ENOX1: variants seen among roughly 807,000 people sequenced by gnomAD.
ENOX1 encodes the protein candidate growth-related and time keeping constitutive hydroquinone (NADH) oxidase.
ENOX1 carries 42 observed loss-of-function variants against 82.5 expected under a neutral mutation model. That is an observed-to-expected ratio of 0.51 (90% CI 0.40 to 0.66). ENOX1 has a LOEUF of 0.66. Among genes scored for constraint, ENOX1 ranks in the 30% least tolerant of loss-of-function variants. The pLI, the probability that ENOX1 is intolerant of heterozygous loss-of-function variation, is 0.00. For synonymous variants in ENOX1, 271 were observed against 282.2 expected, an observed-to-expected ratio of 0.96 and a Z score of 0.40; for missense variants, 608 against 811.6, an observed-to-expected ratio of 0.75 and a Z score of 3.05.
At chr13:43,682,976 T>G (rs1468162303) in intron 1 of ENOX1, among the ~76,000 whole-genome samples, 1 of 152,192 alleles carries the variant, frequency 6.6e-6, no homozygotes, top group Non-Finnish European at 1.5e-5. Flanking sequence ...ACTTTGGGTT[T>G]TTAATATAAC....
At chr13:43,390,144 A>G (rs1246088510) in intron 5 of ENOX1, among the ~76,000 whole-genome samples, 1 of 152,218 alleles carries the variant, frequency 6.6e-6, no homozygotes, top group East Asian at 1.9e-4. Context: ...AATCATTCTC[A>G]TCATTTCTAA....
intron 16 of ENOX1, among the ~76,000 whole-genome samples, chr13:43,219,831 G>A (rs1172523538): frequency 1.3e-5 from 2 of 152,252 alleles, no homozygotes; most frequent in Non-Finnish European, 2.9e-5. Flanking sequence ...TCAGGCAAGG[G>A]AAGCCTGGTG....
chr13:43,591,743 G>C (rs1396697309), intron 2 of ENOX1, among the ~76,000 whole-genome samples: 2 of 152,110 alleles, frequency 1.3e-5, no homozygotes, highest in Non-Finnish European at 2.9e-5. Context: ...TGGAGCTTTG[G>C]CCAGATTTGT....
chr13:43,740,464 C>A (rs2089851273), intron 1 of ENOX1, among the ~76,000 whole-genome samples: 1 of 149,872 alleles, frequency 6.7e-6, no homozygotes, highest in African/African-American at 2.5e-5. Context: ...TCACAGACAA[C>A]TTTAAAACAT....
Position 43,223,412 on chromosome 13 carries a change from C to T in ENOX1, c.1800+641G>A, listed in dbSNP as rs528338668. Among the ~76,000 whole-genome samples the T allele has an allele frequency of 4.6e-5, 7 of 152,220 alleles. No individual in the cohort carries two copies. In the Middle Eastern group the frequency reaches 0.014, roughly 296 times the overall value. ...ATGAATTTGACACATAAATCACATT[C>T]TTTTTGTCTCTTCTCTATGGGTACA... On this transcript the variant is annotated intron_variant, in intron 16 of 16. Transcript: ENST00000690772.
chr13:43,349,260 A>T (rs1233848607), intron 8 of ENOX1, among the ~76,000 whole-genome samples: 1 of 152,356 alleles, frequency 6.6e-6, no homozygotes, highest in East Asian at 1.9e-4. Flanking sequence ...ATCACTGGCA[A>T]TGAAAGTTAA....
chr13:43,232,432 G>T (rs2153456841), intron 15 of ENOX1, among the ~76,000 whole-genome samples: 1 of 152,286 alleles, frequency 6.6e-6, no homozygotes, highest in South Asian at 2.1e-4. Context: ...ATACTCCCAA[G>T]ATTACTTTTC....
intron 1 of ENOX1, among the ~76,000 whole-genome samples, chr13:43,746,258 TA>T (rs1437127504): frequency 6.6e-6 from 1 of 152,134 alleles, no homozygotes; most frequent in Non-Finnish European, 1.5e-5. Flanking sequence ...TTATATTTTT[TA>T]TATTAATGTA....
intron 2 of ENOX1, among the ~76,000 whole-genome samples, chr13:43,639,322 G>A (rs547706140): frequency 6.6e-6 from 1 of 152,158 alleles, no homozygotes; most frequent in East Asian, 1.9e-4. Flanking sequence ...AATAAAAACT[G>A]TGACATATAC....
At chr13:43,563,235 A>T (rs1026253105) in intron 2 of ENOX1, among the ~76,000 whole-genome samples, 8 of 152,184 alleles carry the variant, frequency 5.3e-5, no homozygotes, top group Non-Finnish European at 1.5e-5. Flanking sequence ...CAACAAGAGG[A>T]ATTTTGGAAA....
At chr13:43,256,324 G>A (rs2043743691) in intron 14 of ENOX1, among the ~76,000 whole-genome samples, 1 of 152,062 alleles carries the variant, frequency 6.6e-6, no homozygotes, top group Admixed American at 6.6e-5. Flanking sequence ...AAGCTAAAAA[G>A]TATTTGCACA....
intron 5 of ENOX1, among the ~76,000 whole-genome samples, chr13:43,396,078 T>C (rs1035284809): frequency 2.0e-5 from 3 of 152,188 alleles, no homozygotes; most frequent in African/African-American, 7.2e-5. Context: ...TTCCAAAGAT[T>C]GCTTGAACTG....
chr13:43,657,636 G>A (rs1484853998), intron 2 of ENOX1, among the ~76,000 whole-genome samples: 2 of 152,212 alleles, frequency 1.3e-5, no homozygotes, highest in Non-Finnish European at 2.9e-5. Context: ...AGGTATAGAA[G>A]GCACAGCTGG....
At chr13:43,584,681 G>A (rs2080897892) in intron 2 of ENOX1, among the ~76,000 whole-genome samples, 1 of 152,094 alleles carries the variant, frequency 6.6e-6, no homozygotes, top group Non-Finnish European at 1.5e-5. Context: ...CAAATCTCTG[G>A]TTCATTCTGA....
intron 2 of ENOX1, among the ~76,000 whole-genome samples, chr13:43,641,657 C>T (rs1184417161): frequency 2.0e-5 from 3 of 149,386 alleles, no homozygotes; most frequent in East Asian, 4.1e-4. Flanking sequence ...TTCAGCCTCC[C>T]GAGTAGCTGG....
At chr13:43,377,284 GC>G (rs2051705992) in intron 5 of ENOX1, among the ~76,000 whole-genome samples, 1 of 152,136 alleles carries the variant, frequency 6.6e-6, no homozygotes, top group African/African-American at 2.4e-5. Flanking sequence ...ATGCTTACTT[GC>G]TTTTCTGCTT....
intron 2 of ENOX1, among the ~76,000 whole-genome samples, chr13:43,651,618 A>G (rs2084173634): frequency 6.7e-6 from 1 of 149,920 alleles, no homozygotes; most frequent in Non-Finnish European, 1.5e-5. Flanking sequence ...AATCGCTTGG[A>G]CCCAGGATGC....
intron 1 of ENOX1, among the ~76,000 whole-genome samples, chr13:43,746,072 G>A (rs1040280898): frequency 3.9e-5 from 6 of 152,078 alleles, no homozygotes; most frequent in African/African-American, 1.4e-4. Context: ...TTGAAGATAT[G>A]TCTATGATAC....
At chr13:43,471,393 TG>T (rs2153647663) in intron 3 of ENOX1, among the ~76,000 whole-genome samples, 1 of 152,224 alleles carries the variant, frequency 6.6e-6, no homozygotes, top group African/African-American at 2.4e-5. Flanking sequence ...AAAAGTTGTG[TG>T]TCTTATCATA....
Sources: allele counts gnomAD v4.1 joint callset (sites outside exome capture counted in the v4.1 genomes callset), GRCh38; gene constraint gnomAD v4.1.1; transcripts MANE v1.5; gene names NCBI Gene and HGNC (gene_info 2026-07-23, HGNC 2026-07-21).